The following SHPRH variants were observed in gnomAD, a reference collection of about 807,000 sequenced individuals.
SHPRH encodes E3 ubiquitin-protein ligase SHPRH.
In SHPRH, 106 loss-of-function variants were observed where a neutral mutation model predicts 202.5. The ratio of observed to expected loss-of-function variants is 0.52; its 90% CI spans 0.45 to 0.62. The LOEUF (loss-of-function observed/expected upper bound fraction) is 0.62, where lower values mean the gene tolerates loss of function less well. Among genes scored for constraint, SHPRH ranks in the 20% least tolerant of loss-of-function variants. SHPRH has a pLI of 0.00. For synonymous variants in SHPRH, 729 were observed against 686.0 expected, an observed-to-expected ratio of 1.06 and a Z score of -0.98; for missense variants, 1,710 against 2,020.0, an observed-to-expected ratio of 0.85 and a Z score of 2.94.
intron 1 of SHPRH, among the ~76,000 whole-genome samples, chr6:145,959,472 T>C (rs1340989123): frequency 1.3e-5 from 2 of 151,724 alleles, no homozygotes; most frequent in East Asian, 3.9e-4. Flanking sequence ...CCTAGGTGTG[T>C]AGTAGGCTGG....
intron 24 of SHPRH, among the ~76,000 whole-genome samples, chr6:145,912,909 G>A (rs903592716): frequency 4.2e-4 from 64 of 152,080 alleles, no homozygotes; most frequent in African/African-American, 1.5e-3. Context: ...ATAAATTGCA[G>A]TTCTCCTAGA....
intron 15 of SHPRH, among the ~76,000 whole-genome samples, chr6:145,926,753 G>A (rs1398497482): frequency 2.0e-5 from 3 of 151,998 alleles, no homozygotes; most frequent in African/African-American, 7.2e-5. Context: ...AGAAGGGAAA[G>A]AGAAATAAGT....
At chr6:145,883,159 T>A (rs1430395451), downstream of SHPRH, 1 of 152,212 alleles carries the variant, frequency 6.6e-6, no homozygotes, top group Non-Finnish European at 1.5e-5. Flanking sequence ...TATATAAAGA[T>A]CATTATACAG....
chr6:145,887,657 T>G (rs1290438196), intron 29 of SHPRH, among the ~76,000 whole-genome samples: 1 of 150,370 alleles, frequency 6.7e-6, no homozygotes, highest in Non-Finnish European at 1.5e-5. Flanking sequence ...TGCTTCAGCC[T>G]CCCGACTAGC....
At chr6:145,946,444 C>A in intron 6 of SHPRH, 103 bp from the exon 7 acceptor site, 1 of 932,616 alleles carries the variant, frequency 1.1e-6, no homozygotes, top group Non-Finnish European at 1.5e-6. Flanking sequence ...CAAAACAGTT[C>A]TAAAAAAATT....
downstream of SHPRH, among the ~76,000 whole-genome samples, chr6:145,861,977 A>T (rs554093369): frequency 1.0e-3 from 158 of 152,312 alleles, 1 homozygote; most frequent in Middle Eastern, 0.01. Flanking sequence ...AGCAGCAGAG[A>T]GTAGAATGGC....
Position 145,884,906 on chromosome 6 carries a change from T to C in SHPRH, c.*1785A>G, listed in dbSNP as rs761904137. On this transcript the variant is annotated 3_prime_UTR_variant, in exon 30 of 30. Transcript: ENST00000275233. ...GATAGGTTTTTTTATATATATGTAA[T>C]TTGATTTTACAAAATTGAAGCATAT... The C allele has an allele frequency of 6.6e-6, 1 of 152,260 alleles. No individual in the cohort carries two copies. Among genetic ancestry groups the C allele is most frequent in the Admixed American group, 6.5e-5 (1 of 15,292 alleles). 9.4% of individuals were successfully genotyped at this position (152,260 alleles called of 1,614,324 possible).
At chr6:145,915,033 T>C (rs1783825679) in intron 23 of SHPRH, among the ~76,000 whole-genome samples, 1 of 150,574 alleles carries the variant, frequency 6.6e-6, no homozygotes, top group South Asian at 2.1e-4. Context: ...GAAGGAATCT[T>C]AAAATAGATT....
rs1784817686 is a variant in SHPRH, at chr6:145,925,735, G to A, written c.3294+469C>T. ...AATAATTTATAATATCACTCTTTTC[G>A]ATGTCATTCTTTTCAAAAAGAGGCG... On this transcript the variant is annotated intron_variant, in intron 16 of 29. Transcript: ENST00000275233. Among the ~76,000 whole-genome samples the A allele has an allele frequency of 2.6e-5, 4 of 151,652 alleles. No homozygotes were observed. The South Asian group carries it at 6.2e-4, about 24-fold the overall frequency.
chr6:145,957,586 G>A (rs750165459), intron 1 of SHPRH, among the ~76,000 whole-genome samples: 2 of 152,036 alleles, frequency 1.3e-5, no homozygotes, highest in Admixed American at 6.6e-5. Flanking sequence ...TGTAAAATAA[G>A]CATATGAAAA....
In SHPRH at chr6:145,952,451, G is replaced by C. The variant is rs748308243; in HGVS notation, c.661C>G (p.Leu221Val). Residue 221 changes from leucine (L) to valine (V), a missense_variant, in exon 3 of 30, where the codon CTA becomes GTA. By Grantham distance (32) the Leu-to-Val change is conservative. This residue lies in a region of SHPRH where 459 missense variants were observed against 426.5 expected (regional missense o/e 1.08). Transcript: ENST00000275233. ...TCACTCAAGAAGTCTAGTTTTGCTA[G>C]GCCAGCTTCCAAAAGATAAATTCCA... is the stretch of plus-strand genomic sequence containing the variant. ...KVGIYLLEAGLAKLDFLSDAN... is the reference protein window; with the variant it reads ...KVGIYLLEAGVAKLDFLSDAN... 1.2e-6 allele frequency: 2 copies of C among 1,607,154 alleles called. No homozygotes were observed. The highest frequency in any genetic ancestry group is 1.7e-6 in the Non-Finnish European group (2 of 1,176,556).
intron 8 of SHPRH, 66 bp downstream of exon 8, chr6:145,945,315 G>A: frequency 6.7e-7 from 1 of 1,500,660 alleles, no homozygotes; most frequent in Non-Finnish European, 8.9e-7. Flanking sequence ...GGTGGGATCT[G>A]TCAATGTACT....
At position 145,875,660 on chromosome 6, in the gene SHPRH, G is replaced by A. The variant is rs150936887; in HGVS notation, c.222-11169C>T. 7.7e-4 allele frequency among the ~76,000 whole-genome samples: 117 copies of A among 152,292 alleles called. 1 individual carries two copies. The East Asian group carries it at 0.017, about 22-fold the overall frequency. On this transcript the variant is annotated intron_variant, in intron 2 of 2. Coordinates refer to the SHPRH transcript ENST00000417762. Reference sequence around the variant, plus strand: ...CCAGATTAGACCTTCACCCAAGAACGTCATGAGGGTTAATGAGAGGTTTTT... The same window carrying A: ...CCAGATTAGACCTTCACCCAAGAACATCATGAGGGTTAATGAGAGGTTTTT...
intron 2 of SHPRH, among the ~76,000 whole-genome samples, chr6:145,873,836 A>G (rs1408928491): frequency 6.6e-6 from 1 of 152,172 alleles, no homozygotes; most frequent in African/African-American, 2.4e-5. Flanking sequence ...CTCTTGAGAC[A>G]GGTGAAGACT....
Position 145,933,310 on chromosome 6 carries a change from C to T in SHPRH, c.2991-132G>A, listed in dbSNP as rs990595533. 6.8e-5 allele frequency: 90 copies of T among 1,323,000 alleles called. 1 individual carries two copies. Among genetic ancestry groups the T allele is most frequent in the South Asian group, 3.2e-4 (19 of 60,200 alleles). The allele number at this position is 1,323,000 out of a possible 1,614,324, so 82.0% of individuals were successfully genotyped here. On this transcript the variant is annotated intron_variant, in intron 13 of 29. Transcript: ENST00000275233. ...TTGTGGTATCTCTAGCATTTTTTTT[C>T]GCCTCAATTTTTACCATTATTTTTT...
At chr6:145,904,020 C>A (rs1175828520) in intron 25 of SHPRH, 2 of 151,970 alleles carry the variant, frequency 1.3e-5, no homozygotes, top group African/African-American at 4.8e-5. Flanking sequence ...ATTTGTGATC[C>A]CAGTATTCAT....
intron 14 of SHPRH, among the ~76,000 whole-genome samples, chr6:145,928,926 CTCTT>C (rs1229025290): frequency 6.6e-6 from 1 of 151,838 alleles, no homozygotes; most frequent in Admixed American, 6.6e-5. Context: ...ACAGTGAGTT[CTCTT>C]TTTTTAGTTA....
chr6:145,909,802 A>G (rs1409431827), intron 25 of SHPRH: 6 of 152,146 alleles, frequency 3.9e-5, no homozygotes, highest in Non-Finnish European at 8.8e-5. Flanking sequence ...ATTTAAGGAA[A>G]AGAAAGAGCA....
At chr6:145,929,504 CTAATT>C (rs1482431180) in intron 14 of SHPRH, among the ~76,000 whole-genome samples, 3 of 151,922 alleles carry the variant, frequency 2.0e-5, no homozygotes, top group African/African-American at 7.2e-5. Flanking sequence ...TTAGAAGAAT[CTAATT>C]TATGTAAGTT....
Sources: allele counts gnomAD v4.1 joint callset (sites outside exome capture counted in the v4.1 genomes callset), GRCh38; gene constraint gnomAD v4.1.1; regional missense constraint gnomAD v4.1.1; transcripts MANE v1.5; gene names NCBI Gene and HGNC (gene_info 2026-07-23, HGNC 2026-07-21).